COL4A1: variants seen among roughly 807,000 people sequenced by gnomAD.
COL4A1 encodes collagen alpha-1(IV) chain.
In COL4A1, 40 loss-of-function variants were observed where a neutral mutation model predicts 216.6. The ratio of observed to expected loss-of-function variants is 0.18; its 90% CI spans 0.14 to 0.24. The LOEUF is 0.24. Among genes scored for constraint, COL4A1 ranks in the 10% least tolerant of loss-of-function variants. The pLI, the probability that COL4A1 is intolerant of heterozygous loss-of-function variation, is 1.00. For synonymous variants in COL4A1, 839 were observed against 810.7 expected (o/e 1.03, Z -0.59); for missense variants, 1,628 against 2,196.8 (o/e 0.74, Z 5.18).
Position 110,174,746 on chromosome 13 carries a change from C to A in COL4A1, c.3202G>T (p.Asp1068Tyr). 6.2e-7 allele frequency: 1 copy of A among 1,613,494 alleles called. No individual in the cohort carries two copies. The highest frequency in any genetic ancestry group is 1.7e-5 in the Admixed American group (1 of 60,022). ...GIPGLRGEKGDQGIAGFPGSP... is the reference protein window; with the variant it reads ...GIPGLRGEKGYQGIAGFPGSP... ...CCTGGGAAACCCGCTATCCCTTGAT[C>A]TCCCTGCAAGTAAAAGTCAGGCATA... Residue 1068 changes from aspartate to tyrosine, a missense_variant, in exon 38 of 52, where the codon GAT (aspartate) becomes TAT (tyrosine). Physicochemically the swap from Asp to Tyr is radical, Grantham distance 160. Coordinates refer to ENST00000375820, the MANE Select transcript of COL4A1 (RefSeq NM_001845.6).
chr13:110,182,316 A>G (rs115135128), intron 28 of COL4A1, among the ~76,000 whole-genome samples: 1,726 of 152,280 alleles, frequency 0.011, 31 homozygotes, highest in African/African-American at 0.039. Flanking sequence ...CCTCTGGGTA[A>G]GAAGCCTGGG....
At chr13:110,228,085 C>T (rs1379852885) in intron 2 of COL4A1, among the ~76,000 whole-genome samples, 2 of 152,160 alleles carry the variant, frequency 1.3e-5, no homozygotes, top group Admixed American at 6.5e-5. Flanking sequence ...GACATACACG[C>T]GCCTTACAGG....
intron 48 of COL4A1, 128 bp downstream of exon 48, chr13:110,162,102 G>T (rs1054947351): frequency 5.5e-6 from 5 of 901,144 alleles, no homozygotes; most frequent in Admixed American, 1.7e-5. Context: ...ACTGGCTACC[G>T]CCCTCATGGC....
chr13:110,174,113 C>A, intron 39 of COL4A1, 115 bp from the exon 40 acceptor site: 1 of 1,160,266 alleles, frequency 8.6e-7, no homozygotes, highest in Non-Finnish European at 1.3e-6. Context: ...CCCAAGCACA[C>A]CTGGTTTTCC....
At chr13:110,239,350 G>A (rs1350852821) in intron 2 of COL4A1, among the ~76,000 whole-genome samples, 1 of 152,156 alleles carries the variant, frequency 6.6e-6, no homozygotes, top group Non-Finnish European at 1.5e-5. Flanking sequence ...GATACTGATG[G>A]TTTGCAAATA....
intron 2 of COL4A1, among the ~76,000 whole-genome samples, chr13:110,218,770 T>C (rs1194332079): frequency 2.0e-5 from 3 of 152,206 alleles, no homozygotes; most frequent in African/African-American, 7.2e-5. Flanking sequence ...GCAAGCTGCG[T>C]TCGGGACCAC....
chr13:110,217,699 A>C (rs111526349), intron 2 of COL4A1, among the ~76,000 whole-genome samples: 24 of 152,344 alleles, frequency 1.6e-4, no homozygotes, highest in African/African-American at 5.3e-4. Flanking sequence ...ATCATACGCC[A>C]AAGCCGGAGA....
chr13:110,224,232 A>G (rs921262258), intron 2 of COL4A1, among the ~76,000 whole-genome samples: 1 of 151,984 alleles, frequency 6.6e-6, no homozygotes, highest in African/African-American at 2.4e-5. Flanking sequence ...TAGTTAAAAG[A>G]TTTGGGGTAA....
Position 110,161,253 on chromosome 13 carries a change from C to G in COL4A1, c.4579G>C (p.Glu1527Gln). ...NDYSYWLSTP[E>Q]PMPMSMAPIT... ...GGTGCCATTGACATGGGCATGGGCT[C>G]AGGGGTGGACAGCCAGTACGAGTAG... Residue 1527 changes from glutamate (E) to glutamine (Q), a missense_variant, in exon 49 of 52, where the codon GAG (glutamate) becomes CAG (glutamine). Physicochemically the swap from Glu to Gln is conservative, Grantham distance 29. Coordinates refer to ENST00000375820, the MANE Select transcript of COL4A1 (RefSeq NM_001845.6). 6.2e-7 allele frequency: 1 copy of G among 1,614,164 alleles called. No individual in the cohort carries two copies. Among genetic ancestry groups the G allele is most frequent in the East Asian group, 2.2e-5 (1 of 44,888 alleles).
At chr13:110,252,173 G>A (rs1882101236) in intron 1 of COL4A1, among the ~76,000 whole-genome samples, 1 of 151,942 alleles carries the variant, frequency 6.6e-6, no homozygotes. Flanking sequence ...ACAGGTGCCT[G>A]CCACCATGCC....
rs73609574 is a variant in COL4A1 at position 110,175,394 on chromosome 13, A to T, written c.3059-37T>A. 5.7e-3 allele frequency: 9,135 copies of T among 1,613,466 alleles called. 464 individuals carry two copies. In the African/African-American group the frequency reaches 0.11, roughly 19 times the overall value. ...AACAATTGAAACTTGATTTGGGCTT[A>T]GCTAGTGCTGGTATTACAAATGAAA... is the stretch of plus-strand genomic sequence containing the variant. On this transcript the variant is annotated intron_variant, in intron 36 of 51. Transcript: ENST00000375820.
intron 1 of COL4A1, among the ~76,000 whole-genome samples, chr13:110,290,237 T>C (rs1175798270): frequency 6.6e-6 from 1 of 152,190 alleles, no homozygotes. Context: ...CACACTAAGC[T>C]ACACAGACAC....
chr13:110,155,480 C>G, intron 49 of COL4A1, 83 bp from the exon 50 acceptor site: 2 of 830,156 alleles, frequency 2.4e-6, no homozygotes, highest in Non-Finnish European at 4.1e-6. Context: ...TACCTACACT[C>G]AACATCCTCA....
chr13:110,288,100 C>CAA (rs60924677), intron 1 of COL4A1, among the ~76,000 whole-genome samples: 1 of 130,874 alleles, frequency 7.6e-6, no homozygotes. Context: ...ACTAAAAATA[C>CAA]AAAAAAAAAA....
rs762937174 is a variant in COL4A1 at position 110,195,095 on chromosome 13, C to T, written c.1309G>A (p.Gly437Arg). ...GGAGGACCCTGGTCACCTGGAGGTC[C>T]GGGCTGACATTCCACAATTCCATCT... The part of the protein sequence containing the change: ...YTNGIVECQP[G>R]PPGDQGPPGI... Residue 437 changes from glycine (G) to arginine (R), a missense_variant, in exon 22 of 52, where the codon GGA becomes AGA. Gly to Arg is a moderately radical substitution (Grantham distance 125, BLOSUM62 -2). Around this residue, in one of 8 missense-constraint regions of COL4A1, gnomAD observed 701 missense variants for 892.5 expected, o/e 0.79. Coordinates refer to ENST00000375820, the MANE Select transcript of COL4A1 (RefSeq NM_001845.6). 13 of 1,613,984 alleles carry T rather than the reference C, an allele frequency of 8.1e-6. No individual in the cohort carries two copies. Among genetic ancestry groups the T allele is most frequent in the East Asian group, 2.2e-5 (1 of 44,890 alleles).
chr13:110,213,689 G>A, intron 4 of COL4A1, 93 bp downstream of exon 4: 2 of 1,297,178 alleles, frequency 1.5e-6, no homozygotes, highest in Non-Finnish European at 2.2e-6. Flanking sequence ...TGGAGGACGA[G>A]GGCAAGGAGA....
rs1879638474 is a variant in COL4A1, at chr13:110,208,896, G to A, written c.652-6C>T. 6.2e-7 allele frequency: 1 copy of A among 1,613,846 alleles called. No individual in the cohort carries two copies. The highest frequency in any genetic ancestry group is 1.7e-5 in the Admixed American group (1 of 60,002). ...AAACTTAAGCCCATTTGTCCCTGTG[G>A]ATTAAAAATTAGGCTCTCATTATTA... On this transcript the variant is annotated splice_region_variant and splice_polypyrimidine_tract_variant and intron_variant, in intron 11 of 51. Coordinates refer to ENST00000375820, the MANE Select transcript of COL4A1 (RefSeq NM_001845.6).
intron 1 of COL4A1, among the ~76,000 whole-genome samples, chr13:110,270,013 C>T (rs1220948021): frequency 6.6e-6 from 1 of 152,102 alleles, no homozygotes; most frequent in Non-Finnish European, 1.5e-5. Flanking sequence ...CGGACTAGAG[C>T]GTTCTTCTCC....
chr13:110,219,742 A>G (rs1594593888), intron 2 of COL4A1, among the ~76,000 whole-genome samples: 1 of 145,286 alleles, frequency 6.9e-6, no homozygotes, highest in Non-Finnish European at 1.5e-5. Flanking sequence ...ATATATGTAT[A>G]TACATATGTG....
Sources: gnomAD v4.1 joint callset for allele counts (sites outside exome capture counted in the v4.1 genomes callset) on GRCh38, gnomAD v4.1.1 for gene constraint, gnomAD v4.1.1 regional missense constraint, MANE v1.5 for transcripts, NCBI Gene and HGNC (gene_info 2026-07-23, HGNC 2026-07-21) for gene names.